Variants in UNC5A observed in about 807,000 individuals in gnomAD.
The protein encoded by UNC5A is unc-5 netrin receptor A.
Under a neutral mutation model 87.4 loss-of-function variants are expected in UNC5A, and 20 were observed. That is an observed-to-expected ratio of 0.23 (90% CI 0.16 to 0.33). UNC5A has a LOEUF of 0.33. Among genes scored for constraint, UNC5A ranks in the 10% least tolerant of loss-of-function variants. The pLI is 1.00. For missense variants in UNC5A, 844 were observed against 1,133.4 expected (o/e 0.74, Z 3.67); for synonymous variants, 438 against 482.3 (o/e 0.91, Z 1.20).
chr5:176,834,140 G>A (rs961246645), intron 1 of UNC5A, among the ~76,000 whole-genome samples: 3 of 152,202 alleles, frequency 2.0e-5, no homozygotes, highest in African/African-American at 7.2e-5. Flanking sequence ...TGACCTCCAG[G>A]AGCTGATACT....
In UNC5A at chr5:176,868,861, G is replaced by A; in HGVS notation, c.618G>A (p.Leu206=). 1 of 1,612,954 alleles carries A rather than the reference G, an allele frequency of 6.2e-7. No homozygotes were observed. The highest frequency in any genetic ancestry group is 1.1e-5 in the South Asian group (1 of 91,078). The part of the protein sequence containing the change: ...PNVYITREHS[L]VVRQARLADT... ...TATACATCACGCGGGAGCACAGCCTGGTGGTGCGACAGGCCCGCCTTGCTG... is the reference window on the plus strand; with the variant it reads ...TATACATCACGCGGGAGCACAGCCTAGTGGTGCGACAGGCCCGCCTTGCTG... Residue 206 remains leucine, a synonymous_variant, in exon 5 of 15, where the codon CTG becomes CTA. Transcript: ENST00000329542.
rs181051259 is a variant in UNC5A, at chr5:176,814,542, A to G, written c.70+3722A>G. 2.0e-3 allele frequency among the ~76,000 whole-genome samples: 306 copies of G among 151,910 alleles called. 1 individual carries two copies. The highest frequency in any genetic ancestry group is 7.1e-3 in the African/African-American group (296 of 41,410). ...CTGCTGCCAATCCCTGCACTGTGAA[A>G]CCCGCAGCTTCAGTCCAGCCCCTCC... On this transcript the variant is annotated intron_variant, in intron 1 of 14. Coordinates refer to ENST00000329542, the MANE Select transcript of UNC5A (RefSeq NM_133369.3).
At chr5:176,870,570 G>T in intron 6 of UNC5A, 36 bp downstream of exon 6, 1 of 1,540,606 alleles carries the variant, frequency 6.5e-7, no homozygotes. Flanking sequence ...TCTTCTGTTT[G>T]CCTGGATTGG....
chr5:176,849,941 C>T (rs1256251397), intron 1 of UNC5A, among the ~76,000 whole-genome samples: 2 of 152,308 alleles, frequency 1.3e-5, no homozygotes, highest in African/African-American at 2.4e-5. Context: ...CACTGGCCCC[C>T]GACTTGCCAG....
chr5:176,855,500 G>A (rs1161307309), intron 1 of UNC5A, among the ~76,000 whole-genome samples: 1 of 152,232 alleles, frequency 6.6e-6, no homozygotes, highest in Non-Finnish European at 1.5e-5. Context: ...AGGAGTTGAG[G>A]GGAAGGCATT....
rs565641840 is a variant in UNC5A, at chr5:176,875,791, C to T, written c.1378+1225C>T. On this transcript the variant is annotated intron_variant, in intron 8 of 14. Coordinates refer to ENST00000329542, the MANE Select transcript of UNC5A (RefSeq NM_133369.3). The surrounding 1 kb of genome is among the most constrained non-coding windows in gnomAD (Gnocchi z 5.2). ...CCATGGACTCAACATCCCCGACACA[C>T]GGTGCTGCCCTCTGCATGCACCGAC... is the stretch of plus-strand genomic sequence containing the variant. 6.6e-6 allele frequency among the ~76,000 whole-genome samples: 1 copy of T among 152,184 alleles called. No homozygotes were observed. Among genetic ancestry groups the T allele is most frequent in the Non-Finnish European group, 1.5e-5 (1 of 68,032 alleles).
chr5:176,849,791 G>C (rs1352805297), intron 1 of UNC5A, among the ~76,000 whole-genome samples: 2 of 152,172 alleles, frequency 1.3e-5, no homozygotes, highest in Admixed American at 6.5e-5. Flanking sequence ...TCAACCTCCT[G>C]ATGCCCAACT....
At chr5:176,812,991 C>T (rs981788886) in intron 1 of UNC5A, among the ~76,000 whole-genome samples, 1 of 152,220 alleles carries the variant, frequency 6.6e-6, no homozygotes, top group Admixed American at 6.5e-5. Flanking sequence ...GAGGGATGGC[C>T]AGCGGGCAGC....
At chr5:176,861,410 G>A (rs889598486) in intron 1 of UNC5A, among the ~76,000 whole-genome samples, 3 of 152,216 alleles carry the variant, frequency 2.0e-5, no homozygotes, top group Non-Finnish European at 4.4e-5. Context: ...CCTCCAGGGC[G>A]CCTGCAGGAG....
At chr5:176,825,092 G>A (rs1281116982) in intron 1 of UNC5A, among the ~76,000 whole-genome samples, 1 of 152,188 alleles carries the variant, frequency 6.6e-6, no homozygotes, top group Non-Finnish European at 1.5e-5. Flanking sequence ...TAGTCAGGTG[G>A]AAACATCTAA....
rs1292231357 is a variant in UNC5A, at chr5:176,874,243, G to A, written c.1076-21G>A. On this transcript the variant is annotated intron_variant, in intron 7 of 14. Coordinates refer to ENST00000329542, the MANE Select transcript of UNC5A (RefSeq NM_133369.3). The surrounding 1 kb of genome is among the most constrained non-coding windows in gnomAD (Gnocchi z 7.6). ...AGGGATGCCCTAGGTGCCATTGCCT[G>A]AGTCTGTCTTTATCCTGCAGACAAC... The A allele has an allele frequency of 6.3e-7, 1 of 1,583,474 alleles. No homozygotes were observed. The highest frequency in any genetic ancestry group is 8.6e-7 in the Non-Finnish European group (1 of 1,162,832).
chr5:176,829,881 C>CT lies in UNC5A; in HGVS notation c.70+19072dup, dbSNP rs70991576. 2.0e-3 allele frequency among the ~76,000 whole-genome samples: 176 copies of CT among 87,354 alleles called. 9 individuals are homozygous for CT. The highest frequency in any genetic ancestry group is 5.1e-3 in the African/African-American group (157 of 30,532). The allele number at this position is 87,354 out of a possible 152,430, so 57.3% of individuals were successfully genotyped here. ...CCCTCTCACTTCCACATCACTGCTC[C>CT]TTTTTTTTTTTGAGATGGAATCTTG... On this transcript the variant is annotated intron_variant, in intron 1 of 14. Transcript: ENST00000329542.
rs1757973874 is a variant in UNC5A at position 176,866,332 on chromosome 5, C to A, written c.293-1798C>A. Among the ~76,000 whole-genome samples the A allele has an allele frequency of 6.6e-6, 1 of 152,196 alleles. No homozygotes were observed. Among genetic ancestry groups the A allele is most frequent in the African/African-American group, 2.4e-5 (1 of 41,456 alleles). Reference sequence around the variant, plus strand: ...TGTGGGGCTGAAGGGCACCCCTCACCAAGGCACTGCGTGGAGCTGGCACAT... The same window carrying A: ...TGTGGGGCTGAAGGGCACCCCTCACAAAGGCACTGCGTGGAGCTGGCACAT... On this transcript the variant is annotated intron_variant, in intron 2 of 14. Transcript: ENST00000329542. This position sits in a 1 kb window ranked among gnomAD's most constrained non-coding sequence, Gnocchi z 5.0.
rs139075280 is a variant in UNC5A, at chr5:176,870,842, G to T, written c.886+308G>T. Among the ~76,000 whole-genome samples the T allele has an allele frequency of 9.9e-3, 1,417 of 143,592 alleles. 23 individuals are homozygous for T. The highest frequency in any genetic ancestry group is 0.035 in the African/African-American group (1,322 of 37,766). 94.2% of individuals were successfully genotyped at this position (143,592 alleles called of 152,430 possible). On this transcript the variant is annotated intron_variant, in intron 6 of 14. Transcript: ENST00000329542. ...TCACCAACACCACAGCTTCACATCTGCCCACGCTCACCCCACACCACAGCT... is the reference window on the plus strand; with the variant it reads ...TCACCAACACCACAGCTTCACATCTTCCCACGCTCACCCCACACCACAGCT...
chr5:176,877,098 C>T (rs1333138272), intron 8 of UNC5A, 94 bp from the exon 9 acceptor site: 4 of 1,012,096 alleles, frequency 4.0e-6, no homozygotes, highest in Non-Finnish European at 6.0e-6. Context: ...TGGCACCAGT[C>T]AGTCCTCACA....
At chr5:176,840,743 A>T (rs1429277850) in intron 1 of UNC5A, among the ~76,000 whole-genome samples, 1 of 152,242 alleles carries the variant, frequency 6.6e-6, no homozygotes, top group Non-Finnish European at 1.5e-5. Flanking sequence ...GGACTTACAA[A>T]GTCCAGGCCA....
chr5:176,877,754 C>G, intron 10 of UNC5A, 51 bp downstream of exon 10: 1 of 1,541,376 alleles, frequency 6.5e-7, no homozygotes, highest in Non-Finnish European at 8.8e-7. Context: ...GCTAACTGCA[C>G]GCTCCACCCG....
Position 176,878,274 on chromosome 5 carries a change from G to A in UNC5A, c.1900G>A (p.Gly634Arg). The part of the protein sequence containing the change: ...EVVQLEKQLG[G>R]QLIQEPRVLH... The stretch of plus-strand genomic sequence containing the variant: ...GGTGCAGCTGGAGAAGCAGCTGGGG[G>A]GACAGCTGATCCAGGAGCCACGGGT... Residue 634 changes from glycine to arginine, a missense_variant, in exon 12 of 15, where the codon GGA becomes AGA. Gly to Arg is a moderately radical substitution (Grantham distance 125). This residue lies in a region of UNC5A where 177 missense variants were observed against 279.4 expected (regional missense o/e 0.63). Coordinates refer to ENST00000329542, the MANE Select transcript of UNC5A (RefSeq NM_133369.3). 1 of 1,612,786 alleles carries A rather than the reference G, an allele frequency of 6.2e-7. No homozygotes were observed. Among genetic ancestry groups the A allele is most frequent in the Non-Finnish European group, 8.5e-7 (1 of 1,179,922 alleles).
At position 176,832,813 on chromosome 5, in the gene UNC5A, G is replaced by A. The variant is rs190565166; in HGVS notation, c.70+21993G>A. Among the ~76,000 whole-genome samples the A allele has an allele frequency of 9.8e-5, 15 of 152,320 alleles. No homozygotes were observed. The East Asian group carries it at 1.2e-3, about 12-fold the overall frequency. On this transcript the variant is annotated intron_variant, in intron 1 of 14. Transcript: ENST00000329542. Reference sequence around the variant, plus strand: ...GAAGCTGGTTGGGCAAGAGGGAGCCGTTGGTACTCGAGTGATCTCCAAATG... The same window carrying A: ...GAAGCTGGTTGGGCAAGAGGGAGCCATTGGTACTCGAGTGATCTCCAAATG...
Sources: gnomAD v4.1 joint callset for allele counts (sites outside exome capture counted in the v4.1 genomes callset) on GRCh38, gnomAD v4.1.1 for gene constraint, gnomAD v4.1.1 regional missense constraint, Gnocchi (gnomAD v3.1) non-coding constraint, MANE v1.5 for transcripts, NCBI Gene and HGNC (gene_info 2026-07-23, HGNC 2026-07-21) for gene names.